IFFO1: variants seen among roughly 807,000 people sequenced by gnomAD.
IFFO1 encodes non-homologous end joining factor IFFO1.
IFFO1 carries 42 observed loss-of-function variants against 59.6 expected under a neutral mutation model. The ratio of observed to expected loss-of-function variants is 0.70; its 90% confidence interval spans 0.55 to 0.91. The LOEUF is 0.91. Ranked by LOEUF, IFFO1 falls within the 40% of genes least tolerant of loss-of-function variation. The pLI, the probability that IFFO1 is intolerant of heterozygous loss-of-function variation, is 0.00. For synonymous variants in IFFO1, 336 were observed against 342.8 expected (o/e 0.98, Z 0.22); for missense variants, 711 against 793.2 (o/e 0.90, Z 1.24).
chr12:6,551,006 C>CA lies in IFFO1; in HGVS notation c.774-6dup. ...ACCGTGTACTCCTCTTCCCACCTGA[C>CA]AGACATGGGAAGGGCGGAGAGAGCT... On this transcript the variant is annotated splice_polypyrimidine_tract_variant and splice_region_variant and intron_variant, in intron 1 of 9. Transcript: ENST00000619571. The CA allele has an allele frequency of 6.2e-7, 1 of 1,614,026 alleles. No individual in the cohort carries two copies. Among genetic ancestry groups the CA allele is most frequent in the Non-Finnish European group, 8.5e-7 (1 of 1,179,920 alleles).
Position 6,546,301 on chromosome 12 carries a change from C to T in IFFO1, c.1479+1764G>A, listed in dbSNP as rs564695606. Among the ~76,000 whole-genome samples, 7 of 152,290 alleles carry T rather than the reference C, an allele frequency of 4.6e-5. No individual in the cohort carries two copies. In the South Asian group the frequency reaches 6.2e-4, roughly 14 times the overall value. ...ATGCCCTGAAGATAAGGGGGGACTA[C>T]GTATGAATCTCCCATGTGGGCCTGA... On this transcript the variant is annotated intron_variant, in intron 8 of 9. Transcript: ENST00000619571.
At chr12:6,547,041 A>C (rs1946997800) in intron 8 of IFFO1, among the ~76,000 whole-genome samples, 1 of 152,168 alleles carries the variant, frequency 6.6e-6, no homozygotes, top group Admixed American at 6.5e-5. Context: ...ACACTGCCCT[A>C]AGCTCTATAT....
intron 1 of IFFO1, among the ~76,000 whole-genome samples, chr12:6,553,621 C>A (rs1234385244): frequency 1.3e-5 from 2 of 151,990 alleles, no homozygotes; most frequent in Non-Finnish European, 2.9e-5. Context: ...AAAAAAATAG[C>A]CAGGCATGGA....
At chr12:6,542,682 A>G (rs1946773307) in intron 8 of IFFO1, among the ~76,000 whole-genome samples, 1 of 152,180 alleles carries the variant, frequency 6.6e-6, no homozygotes, top group Non-Finnish European at 1.5e-5. Flanking sequence ...TAGTGGGGAC[A>G]GCTTCCCTGG....
chr12:6,544,728 G>A (rs750264088), intron 8 of IFFO1: 2 of 152,236 alleles, frequency 1.3e-5, no homozygotes, highest in Non-Finnish European at 2.9e-5. Context: ...CGGTAGACGG[G>A]AGGGTGGGGA....
At chr12:6,538,979 A>AGAT (rs1461906801), downstream of IFFO1, 1 of 152,232 alleles carries the variant, frequency 6.6e-6, no homozygotes, top group Non-Finnish European at 1.5e-5. Context: ...GTTTTGAGGA[A>AGAT]GATGAACTGA....
chr12:6,552,820 G>A (rs890907934), intron 1 of IFFO1, among the ~76,000 whole-genome samples: 1 of 152,202 alleles, frequency 6.6e-6, no homozygotes, highest in Non-Finnish European at 1.5e-5. Flanking sequence ...TCTTTGGCCA[G>A]ACTTCACACA....
At chr12:6,543,672 A>AAT (rs2136100605) in intron 8 of IFFO1, 1 of 152,386 alleles carries the variant, frequency 6.6e-6, no homozygotes, top group South Asian at 2.1e-4. Flanking sequence ...TAATAATAGA[A>AAT]ATAAAGTGCA....
At chr12:6,545,917 G>C (rs939748260) in intron 8 of IFFO1, among the ~76,000 whole-genome samples, 3 of 152,158 alleles carry the variant, frequency 2.0e-5, no homozygotes, top group African/African-American at 7.2e-5. Context: ...TGGCAATTTG[G>C]ATATGTGAAA....
At chr12:6,542,546 A>G (rs1946765565) in intron 8 of IFFO1, among the ~76,000 whole-genome samples, 1 of 152,244 alleles carries the variant, frequency 6.6e-6, no homozygotes, top group Admixed American at 6.5e-5. Context: ...CAGCTGCCAT[A>G]ATGTGGATTG....
intron 1 of IFFO1, among the ~76,000 whole-genome samples, chr12:6,554,222 C>T (rs56848735): frequency 0.29 from 44,465 of 151,984 alleles, 9,214 homozygotes; most frequent in African/African-American, 0.6. Context: ...GAATCTCCGC[C>T]ACACTGGGCT....
At chr12:6,544,513 G>A (rs142701212) in intron 8 of IFFO1, among the ~76,000 whole-genome samples, 2 of 152,274 alleles carry the variant, frequency 1.3e-5, no homozygotes, top group East Asian at 1.9e-4. Context: ...TATTATTTTC[G>A]TTCTTTCAGA....
intron 1 of IFFO1, among the ~76,000 whole-genome samples, chr12:6,553,307 C>A (rs943508950): frequency 6.6e-6 from 1 of 151,888 alleles, no homozygotes; most frequent in African/African-American, 2.4e-5. Flanking sequence ...GACAGCTGGA[C>A]CAAGGACAAA....
rs147853463 is a variant in IFFO1 at position 6,541,822 on chromosome 12, T to C, written c.1480-180A>G. ...AAGGCAGAAGGCAGCGAATACACCA[T>C]TGTTTCCTCTGCTTTTCCTGGAAAT... is the stretch of plus-strand genomic sequence containing the variant. On this transcript the variant is annotated intron_variant, in intron 8 of 9. Coordinates refer to ENST00000619571, the MANE Select transcript of IFFO1 (RefSeq NM_001193457.2). This position sits in a 1 kb window ranked among gnomAD's most constrained non-coding sequence, Gnocchi z 4.8. Among the ~76,000 whole-genome samples, 4 of 152,334 alleles carry C rather than the reference T, an allele frequency of 2.6e-5. No individual in the cohort carries two copies. Among genetic ancestry groups the C allele is most frequent in the East Asian group, 3.9e-4 (2 of 5,188 alleles).
chr12:6,539,090 C>T (rs1230898554), downstream of IFFO1: 1 of 152,262 alleles, frequency 6.6e-6, no homozygotes, highest in Non-Finnish European at 1.5e-5. Flanking sequence ...GGCTCTGCCA[C>T]TGAACGGCTC....
intron 1 of IFFO1, among the ~76,000 whole-genome samples, chr12:6,553,253 C>T (rs910733129): frequency 1.3e-5 from 2 of 152,168 alleles, no homozygotes; most frequent in Non-Finnish European, 2.9e-5. Context: ...TGCTGCAGAG[C>T]GATGAGCTAA....
chr12:6,555,433 G>C lies in IFFO1; in HGVS notation c.597C>G (p.Phe199Leu), dbSNP rs1290948301. ...CCGGCCCGAGCCGGCGGGCGTGCGA[G>C]AACGACCAGATGGTGCCGGGCATGA... Reference protein sequence around the residue: ...ARFMPGTIWSFSHARRLGPGL... With the variant: ...ARFMPGTIWSLSHARRLGPGL... Residue 199 changes from phenylalanine (F) to leucine (L), a missense_variant, in exon 1 of 10, where the codon TTC becomes TTG. Coordinates refer to ENST00000619571, the MANE Select transcript of IFFO1 (RefSeq NM_001193457.2). The surrounding 1 kb of genome is among the most constrained non-coding windows in gnomAD (Gnocchi z 8.6). 6.2e-7 allele frequency: 1 copy of C among 1,613,774 alleles called. No individual in the cohort carries two copies. The highest frequency in any genetic ancestry group is 8.5e-7 in the Non-Finnish European group (1 of 1,179,908).
chr12:6,551,423 C>T lies in IFFO1; in HGVS notation c.774-422G>A, dbSNP rs566908156. On this transcript the variant is annotated intron_variant, in intron 1 of 9. Transcript: ENST00000619571. ...CTTCAGTCGCACAGATCCGGGCTCC[C>T]GCCTCCTGCCCGCACCAGAACAGAG... 63 of 1,299,010 alleles carry T rather than the reference C, an allele frequency of 4.8e-5. No homozygotes were observed. The South Asian group carries it at 5.5e-4, about 11-fold the overall frequency. The allele number at this position is 1,299,010 out of a possible 1,614,324, so 80.5% of individuals were successfully genotyped here.
At chr12:6,542,456 G>T (rs1370430002) in intron 8 of IFFO1, among the ~76,000 whole-genome samples, 1 of 152,230 alleles carries the variant, frequency 6.6e-6, no homozygotes, top group African/African-American at 2.4e-5. Context: ...ACAAAGGGCA[G>T]GGGCCGCAAG....
Sources: allele counts gnomAD v4.1 joint callset (sites outside exome capture counted in the v4.1 genomes callset), GRCh38; gene constraint gnomAD v4.1.1; non-coding constraint Gnocchi (gnomAD v3.1); transcripts MANE v1.5; gene names NCBI Gene and HGNC (gene_info 2026-07-23, HGNC 2026-07-21).